LRRFIP2: variants seen among roughly 807,000 people sequenced by gnomAD.
LRRFIP2 encodes leucine-rich repeat flightless-interacting protein 2.
A neutral mutation model predicts 125.9 loss-of-function variants in LRRFIP2; 109 were observed. That is an observed-to-expected ratio of 0.87 (90% CI 0.74 to 1.01). The LOEUF (loss-of-function observed/expected upper bound fraction) is 1.01. Ranked by LOEUF, LRRFIP2 falls within the 50% of genes least tolerant of loss-of-function variation. The probability of loss-of-function intolerance (pLI) is 0.00; values close to 1 mark genes in which losing one functional copy is unlikely to be tolerated. For synonymous variants in LRRFIP2, 291 were observed against 293.1 expected (o/e 0.99, Z 0.07); for missense variants, 850 against 862.3 (o/e 0.99, Z 0.18).
Position 37,099,925 on chromosome 3 carries a change from T to C in LRRFIP2, c.873+2999A>G, listed in dbSNP as rs2149289693. The stretch of plus-strand genomic sequence containing the variant: ...GAAAATGTCTTTTAAAATTCTGAAT[T>C]CGTTGCCAGCATTTAAAAATCATAA... On this transcript the variant is annotated intron_variant, in intron 15 of 27. Coordinates refer to ENST00000336686, the MANE Select transcript of LRRFIP2 (RefSeq NM_006309.4). Among the ~76,000 whole-genome samples, 6 of 152,272 alleles carry C rather than the reference T, an allele frequency of 3.9e-5. No individual in the cohort carries two copies. In the South Asian group the frequency reaches 1.2e-3, roughly 32 times the overall value.
chr3:37,058,648 C>G (rs2087606937), intron 25 of LRRFIP2, 142 bp downstream of exon 25: 2 of 834,818 alleles, frequency 2.4e-6, no homozygotes, highest in South Asian at 3.5e-5. Context: ...GCACTCTGAC[C>G]TGGGTGACAG....
At chr3:37,131,331 T>C (rs973776960) in intron 2 of LRRFIP2, among the ~76,000 whole-genome samples, 2 of 152,180 alleles carry the variant, frequency 1.3e-5, no homozygotes, top group African/African-American at 4.8e-5. Context: ...AGTCCCTCTT[T>C]CATAAAGTAA....
chr3:37,097,971 A>G (rs1409101090), intron 15 of LRRFIP2, among the ~76,000 whole-genome samples: 1 of 152,220 alleles, frequency 6.6e-6, no homozygotes, highest in Non-Finnish European at 1.5e-5. Context: ...TAGAGAAGAG[A>G]TCTGAAAACC....
intron 1 of LRRFIP2, among the ~76,000 whole-genome samples, chr3:37,166,981 C>G (rs2096505073): frequency 6.6e-6 from 1 of 151,606 alleles, no homozygotes; most frequent in African/African-American, 2.4e-5. Flanking sequence ...CGCCATTGCA[C>G]TCCAGCCTGG....
At chr3:37,113,339 A>C (rs945034641) in intron 7 of LRRFIP2, among the ~76,000 whole-genome samples, 1 of 151,924 alleles carries the variant, frequency 6.6e-6, no homozygotes, top group Non-Finnish European at 1.5e-5. Context: ...ACAGGGTCTC[A>C]CTCTGTCACC....
In LRRFIP2 at chr3:37,057,232, A is replaced by C. The variant is rs12487922; in HGVS notation, c.1870+1558T>G. Among the ~76,000 whole-genome samples the C allele has an allele frequency of 7.6e-3, 1,155 of 152,166 alleles. 41 individuals are homozygous for C. Among genetic ancestry groups the C allele is most frequent in the Admixed American group, 0.059 (900 of 15,284 alleles). ...ACATAAATGCCAGCCCATTCCCCCT[A>C]AATCTGTTTCCTTTTAAATTTGCTG... is the stretch of plus-strand genomic sequence containing the variant. On this transcript the variant is annotated intron_variant, in intron 25 of 27. Transcript: ENST00000336686.
chr3:37,170,462 A>G (rs913411841), intron 1 of LRRFIP2: 1 of 152,252 alleles, frequency 6.6e-6, no homozygotes, highest in Non-Finnish European at 1.5e-5. Flanking sequence ...GTTTAAAGAT[A>G]TAACTTCATG....
chr3:37,139,809 CA>C (rs1427628205), intron 2 of LRRFIP2, among the ~76,000 whole-genome samples: 1 of 152,092 alleles, frequency 6.6e-6, no homozygotes, highest in Non-Finnish European at 1.5e-5. Flanking sequence ...AAAAGGCAAG[CA>C]AAAAATCTCA....
intron 7 of LRRFIP2, 108 bp downstream of exon 7, chr3:37,114,946 C>CA (rs934570894): frequency 1.1e-6 from 1 of 875,954 alleles, no homozygotes; most frequent in East Asian, 2.5e-5. Context: ...ACATTTTCCC[C>CA]AAAAGTTCAT....
chr3:37,096,801 T>C (rs895815660), intron 15 of LRRFIP2, 141 bp from the exon 16 acceptor site: 3 of 551,832 alleles, frequency 5.4e-6, no homozygotes, highest in Non-Finnish European at 9.6e-6. Flanking sequence ...AAATTAAAAT[T>C]CCAGTTTAAC....
intron 19 of LRRFIP2, among the ~76,000 whole-genome samples, chr3:37,076,818 A>G (rs753032223): frequency 2.6e-5 from 4 of 152,098 alleles, no homozygotes; most frequent in Non-Finnish European, 5.9e-5. Flanking sequence ...GTGAGCCGAG[A>G]TTGCGCCATT....
Position 37,052,794 on chromosome 3 carries a change from A to AAAAG in LRRFIP2, c.*1053_*1056dup, listed in dbSNP as rs2085886270. ...ATAAAACCACCTGGGTACTAAGAGC[A>AAAAG]AAAGAGAATCATAAATTCTGCAAAG... On this transcript the variant is annotated 3_prime_UTR_variant, in exon 28 of 28. Coordinates refer to ENST00000336686, the MANE Select transcript of LRRFIP2 (RefSeq NM_006309.4). The AAAAG allele has an allele frequency of 6.6e-6, 1 of 152,212 alleles. No individual in the cohort carries two copies. The highest frequency in any genetic ancestry group is 6.5e-5 in the Admixed American group (1 of 15,282). 9.4% of individuals were successfully genotyped at this position (152,212 alleles called of 1,614,324 possible). A position where few individuals can be genotyped will look rare whatever the true frequency, so the allele number is the denominator to read the frequency against.
rs528993556 is a variant in LRRFIP2, at chr3:37,164,973, C to T, written c.-56+9566G>A. ...TCTTCCAGCCTGGTGCGGTGGCTGA[C>T]GCCTGTAATCCCAGCACTTTGGGAG... On this transcript the variant is annotated intron_variant, in intron 1 of 27. Coordinates refer to ENST00000336686, the MANE Select transcript of LRRFIP2 (RefSeq NM_006309.4). 7.9e-5 allele frequency among the ~76,000 whole-genome samples: 12 copies of T among 152,170 alleles called. No individual in the cohort carries two copies. The South Asian group carries it at 1.9e-3, about 24-fold the overall frequency.
At chr3:37,082,372 G>C (rs973237714) in intron 19 of LRRFIP2, among the ~76,000 whole-genome samples, 3 of 152,236 alleles carry the variant, frequency 2.0e-5, no homozygotes, top group Middle Eastern at 3.4e-3. Context: ...AACAATTTTA[G>C]AGCAGTTTAA....
At chr3:37,079,461 G>C (rs2092432872) in intron 19 of LRRFIP2, among the ~76,000 whole-genome samples, 1 of 152,172 alleles carries the variant, frequency 6.6e-6, no homozygotes, top group South Asian at 2.1e-4. Flanking sequence ...CATATATCCA[G>C]ACCATGAGCA....
chr3:37,171,726 G>T (rs952934077), intron 1 of LRRFIP2, among the ~76,000 whole-genome samples: 1 of 152,158 alleles, frequency 6.6e-6, no homozygotes, highest in Non-Finnish European at 1.5e-5. Flanking sequence ...AGGAAAAAAG[G>T]AGGTAGATTA....
chr3:37,137,202 T>G (rs2095579875), intron 2 of LRRFIP2, among the ~76,000 whole-genome samples: 2 of 152,138 alleles, frequency 1.3e-5, no homozygotes, highest in Non-Finnish European at 2.9e-5. Context: ...GGTCTCGAAC[T>G]CCTGGACTCA....
intron 11 of LRRFIP2, 85 bp from the exon 12 acceptor site, chr3:37,108,769 CA>C: frequency 7.7e-6 from 9 of 1,166,068 alleles, no homozygotes; most frequent in South Asian, 1.3e-5. Flanking sequence ...TACTCAGTAC[CA>C]AAAAAGTTTT....
chr3:37,142,184 T>G (rs1246437738), intron 2 of LRRFIP2, among the ~76,000 whole-genome samples: 1 of 145,410 alleles, frequency 6.9e-6, no homozygotes, highest in African/African-American at 2.6e-5. Context: ...AGGGTCTCAC[T>G]CTGTTGCCCA....
Sources: gnomAD v4.1 joint callset for allele counts (sites outside exome capture counted in the v4.1 genomes callset) on GRCh38, gnomAD v4.1.1 for gene constraint, MANE v1.5 for transcripts, NCBI Gene and HGNC (gene_info 2026-07-23, HGNC 2026-07-21) for gene names.